GDA: variants seen among roughly 807,000 people sequenced by gnomAD.
GDA encodes the protein guanine deaminase, also known as cytoplasmic PSD-95 interactor.
GDA carries 18 observed loss-of-function variants against 59.6 expected under a neutral mutation model. That is an observed-to-expected ratio of 0.30 (90% CI 0.21 to 0.45). The LOEUF is 0.45. Among genes scored for constraint, GDA ranks in the 20% least tolerant of loss-of-function variants. The pLI, the probability that GDA is intolerant of heterozygous loss-of-function variation, is 1.00. For synonymous variants in GDA, 201 were observed against 201.1 expected (o/e 1.00, Z 0.00); for missense variants, 427 against 552.3 (o/e 0.77, Z 2.27).
upstream of GDA, among the ~76,000 whole-genome samples, chr9:72,148,058 G>T (rs528832218): frequency 2.0e-5 from 3 of 152,280 alleles, no homozygotes; most frequent in African/African-American, 7.2e-5. Flanking sequence ...GAACTGAGAA[G>T]GGAACGAATC....
At chr9:72,252,799 T>C (rs983277815), downstream of GDA, among the ~76,000 whole-genome samples, 3 of 152,266 alleles carry the variant, frequency 2.0e-5, no homozygotes, top group East Asian at 1.9e-4. Context: ...GTGGCAGATA[T>C]GTTACTTTAA....
chr9:72,212,254 G>A (rs1159038531), intron 4 of GDA, among the ~76,000 whole-genome samples: 4 of 151,612 alleles, frequency 2.6e-5, no homozygotes, highest in African/African-American at 9.8e-5. Context: ...AGGCCGAGGC[G>A]GGCGGATCAT....
At chr9:72,153,626 T>G (rs1827508841) in intron 1 of GDA, among the ~76,000 whole-genome samples, 1 of 150,246 alleles carries the variant, frequency 6.7e-6, no homozygotes, top group Non-Finnish European at 1.5e-5. Context: ...GTGGCACATA[T>G]ACACCATGGA....
intron 3 of GDA, among the ~76,000 whole-genome samples, chr9:72,205,773 T>G (rs1834617780): frequency 6.6e-6 from 1 of 152,220 alleles, no homozygotes; most frequent in Non-Finnish European, 1.5e-5. Context: ...CAGTTCCTTA[T>G]AAACTCAAAG....
rs377450398 is a variant in GDA, at chr9:72,162,878, C to T, written c.123+13196C>T. ...TTCACCGTGCTAGCCAGGATGGTCT[C>T]GATCTCCTGACCTCGTGATCCGCCC... On this transcript the variant is annotated intron_variant, in intron 1 of 13. Coordinates refer to ENST00000358399, the MANE Select transcript of GDA (RefSeq NM_004293.5). 3.5e-4 allele frequency among the ~76,000 whole-genome samples: 53 copies of T among 152,240 alleles called. 1 individual carries two copies. The East Asian group carries it at 5.4e-3, about 16-fold the overall frequency.
rs1253952165 is a variant in GDA, at chr9:72,241,231, T to C, written c.1068T>C (p.Asn356=). The C allele has an allele frequency of 1.2e-6, 2 of 1,608,684 alleles. No individual in the cohort carries two copies. The highest frequency in any genetic ancestry group is 1.7e-6 in the Non-Finnish European group (2 of 1,175,534). Residue 356 remains asparagine, a synonymous_variant, in exon 11 of 14, where the codon AAT becomes AAC. Transcript: ENST00000358399. The part of the protein sequence containing the change: ...AVMVSNILLI[N]KVNEKSLTLK... ...TGGTTTCCAATATCCTTTTAATTAA[T>C]AAGGTAAATGAGAAAAGCCTCACCC...
At chr9:72,141,555 A>T (rs556138100) in intron 1 of GDA, among the ~76,000 whole-genome samples, 1 of 152,174 alleles carries the variant, frequency 6.6e-6, no homozygotes, top group East Asian at 1.9e-4. Flanking sequence ...AGAGGCACTA[A>T]TTGTGTAGCA....
chr9:72,249,632 A>T lies in GDA; in HGVS notation c.*1290A>T, dbSNP rs45616831. 2,739 of 650,608 alleles carry T rather than the reference A, an allele frequency of 4.2e-3. 8 individuals are homozygous for T. The highest frequency in any genetic ancestry group is 4.8e-3 in the Non-Finnish European group (2,501 of 524,640). 40.3% of individuals were successfully genotyped at this position (650,608 alleles called of 1,614,324 possible). On this transcript the variant is annotated 3_prime_UTR_variant, in exon 14 of 14. Transcript: ENST00000358399. Reference sequence around the variant, plus strand: ...AGAATTAAAACCAAATTATGACCTTATGATAAATCTTTAAGTATTGGTGTG... The same window carrying T: ...AGAATTAAAACCAAATTATGACCTTTTGATAAATCTTTAAGTATTGGTGTG...
At chr9:72,164,139 A>G (rs912859819) in intron 1 of GDA, among the ~76,000 whole-genome samples, 3 of 152,180 alleles carry the variant, frequency 2.0e-5, no homozygotes, top group African/African-American at 7.2e-5. Flanking sequence ...GCTGGTCTGG[A>G]GCTCAGAGGA....
intron 10 of GDA, among the ~76,000 whole-genome samples, chr9:72,240,899 G>A (rs1839536367): frequency 6.6e-6 from 1 of 152,170 alleles, no homozygotes; most frequent in Admixed American, 6.6e-5. Flanking sequence ...AATTTCTGCT[G>A]TTTTAAGCTA....
intron 7 of GDA, among the ~76,000 whole-genome samples, chr9:72,224,330 T>G (rs1174662457): frequency 6.6e-6 from 1 of 152,214 alleles, no homozygotes; most frequent in African/African-American, 2.4e-5. Context: ...ATCGGTGGTC[T>G]GGGACTTCCT....
At position 72,250,801 on chromosome 9, in the gene GDA, T is replaced by G; in HGVS notation, c.*2459T>G. ...CCTCACCCCATCCTCCACCATTTCCTTAATGTTCCATGGTATTTTCAACGG... is the reference window on the plus strand; with the variant it reads ...CCTCACCCCATCCTCCACCATTTCCGTAATGTTCCATGGTATTTTCAACGG... On this transcript the variant is annotated 3_prime_UTR_variant, in exon 14 of 14. Transcript: ENST00000358399. 1 of 1,609,174 alleles carries G rather than the reference T, an allele frequency of 6.2e-7. No individual in the cohort carries two copies. The highest frequency in any genetic ancestry group is 1.7e-5 in the Admixed American group (1 of 59,996).
chr9:72,179,534 G>A (rs1830926971), intron 1 of GDA, among the ~76,000 whole-genome samples: 1 of 152,144 alleles, frequency 6.6e-6, no homozygotes, highest in Non-Finnish European at 1.5e-5. Flanking sequence ...AACTATCTCA[G>A]ATGAAGTGAC....
rs1357443736 is a variant in GDA, at chr9:72,201,466, T to A, written c.213-1105T>A. Among the ~76,000 whole-genome samples, 3 of 152,158 alleles carry A rather than the reference T, an allele frequency of 2.0e-5. No individual in the cohort carries two copies. The East Asian group carries it at 5.8e-4, about 29-fold the overall frequency. On this transcript the variant is annotated intron_variant, in intron 2 of 13. Coordinates refer to ENST00000358399, the MANE Select transcript of GDA (RefSeq NM_004293.5). ...GAGGCTTTCTTGTAGTCAGACAAGATCAAGATGACCACTGAGTCTGCCATT... is the reference window on the plus strand; with the variant it reads ...GAGGCTTTCTTGTAGTCAGACAAGAACAAGATGACCACTGAGTCTGCCATT...
At chr9:72,229,103 A>T (rs1354585877) in intron 9 of GDA, 2 of 150,834 alleles carry the variant, frequency 1.3e-5, no homozygotes, top group Non-Finnish European at 2.9e-5. Flanking sequence ...TGGGAGGCCA[A>T]GGTGGGCGGA....
downstream of GDA, among the ~76,000 whole-genome samples, chr9:72,255,629 C>T (rs531783810): frequency 6.6e-6 from 1 of 152,290 alleles, no homozygotes; most frequent in African/African-American, 2.4e-5. Flanking sequence ...GATGAATTGG[C>T]AACTTACGTA....
intron 9 of GDA, chr9:72,228,303 A>G: frequency 2.6e-6 from 1 of 388,816 alleles, no homozygotes; most frequent in South Asian, 3.1e-5. Context: ...AGGGAATACA[A>G]CATAAAAAAT....
chr9:72,133,819 T>C (rs1826121854), intron 1 of GDA, among the ~76,000 whole-genome samples: 1 of 152,202 alleles, frequency 6.6e-6, no homozygotes, highest in South Asian at 2.1e-4. Context: ...GCTGCTTTAG[T>C]GCAAGGTTCA....
Position 72,171,560 on chromosome 9 carries a change from A to G in GDA, c.123+21878A>G, listed in dbSNP as rs374334436. 4.5e-3 allele frequency among the ~76,000 whole-genome samples: 682 copies of G among 152,216 alleles called. 6 individuals carry two copies. The highest frequency in any genetic ancestry group is 0.016 in the African/African-American group (644 of 41,538). On this transcript the variant is annotated intron_variant, in intron 1 of 13. Coordinates refer to ENST00000358399, the MANE Select transcript of GDA (RefSeq NM_004293.5). The stretch of plus-strand genomic sequence containing the variant: ...TGAAATTAAAGATGTGATCCTCCAG[A>G]AAACATTTTTTTTTTCCTGTTCAGA...
Sources: gnomAD v4.1 joint callset for allele counts (sites outside exome capture counted in the v4.1 genomes callset) on GRCh38, gnomAD v4.1.1 for gene constraint, MANE v1.5 for transcripts, NCBI Gene and HGNC (gene_info 2026-07-23, HGNC 2026-07-21) for gene names.